FSIP1: variants seen among roughly 807,000 people sequenced by gnomAD.
FSIP1 encodes the protein fibrous sheath-interacting protein 1.
In FSIP1, 65 loss-of-function variants were observed where a neutral mutation model predicts 60.9. That is an observed-to-expected ratio of 1.07 (90% CI 0.87 to 1.31). The LOEUF is 1.31. Among genes scored for constraint, FSIP1 ranks in the 40% most tolerant of loss-of-function variants. The pLI, the probability that FSIP1 is intolerant of heterozygous loss-of-function variation, is 0.00. For synonymous variants in FSIP1, 209 were observed against 221.2 expected, an observed-to-expected ratio of 0.94 and a Z score of 0.49; for missense variants, 675 against 665.5, an observed-to-expected ratio of 1.01 and a Z score of -0.16.
Position 39,634,344 on chromosome 15 carries a change from T to C in FSIP1, c.1189-16099A>G, listed in dbSNP as rs191796005. On this transcript the variant is annotated intron_variant, in intron 10 of 11. Coordinates refer to ENST00000350221, the MANE Select transcript of FSIP1 (RefSeq NM_152597.5). The stretch of plus-strand genomic sequence containing the variant: ...TATCACCAAATCCCTCTCCTTCTAT[T>C]GTCTCTTAAACTCAACCCAAACAGG... 2.0e-5 allele frequency among the ~76,000 whole-genome samples: 3 copies of C among 152,326 alleles called. No homozygotes were observed. In the East Asian group the frequency reaches 5.8e-4, roughly 29 times the overall value.
intron 5 of FSIP1, among the ~76,000 whole-genome samples, chr15:39,756,248 T>C (rs1170465588): frequency 2.6e-5 from 4 of 152,150 alleles, no homozygotes; most frequent in African/African-American, 4.8e-5. Flanking sequence ...ATTTTCTTCA[T>C]TTATTTGCTG....
At chr15:39,626,755 G>A (rs140888839) in intron 10 of FSIP1, among the ~76,000 whole-genome samples, 11 of 152,194 alleles carry the variant, frequency 7.2e-5, no homozygotes, top group South Asian at 4.2e-4. Context: ...CCAGCCATTC[G>A]GAACTGGGAG....
intron 2 of FSIP1, among the ~76,000 whole-genome samples, chr15:39,774,884 G>C (rs892906280): frequency 1.2e-4 from 18 of 152,214 alleles, no homozygotes; most frequent in Non-Finnish European, 1.5e-5. Context: ...CTGATCTCTG[G>C]ATTACAGCTC....
chr15:39,688,035 A>C (rs1450645668), intron 10 of FSIP1, among the ~76,000 whole-genome samples: 3 of 152,204 alleles, frequency 2.0e-5, no homozygotes, highest in Admixed American at 1.3e-4. Context: ...CCAAGCATCC[A>C]TGGAACTATA....
intron 10 of FSIP1, among the ~76,000 whole-genome samples, chr15:39,676,649 A>C (rs1893955161): frequency 6.6e-6 from 1 of 152,218 alleles, no homozygotes; most frequent in Non-Finnish European, 1.5e-5. Flanking sequence ...GATAATAAAC[A>C]ACTGTCTTTA....
chr15:39,726,510 G>A, intron 9 of FSIP1, 79 bp downstream of exon 9: 1 of 1,470,830 alleles, frequency 6.8e-7, no homozygotes, highest in East Asian at 2.3e-5. Flanking sequence ...AAAAGCAACT[G>A]GTTAACAACC....
chr15:39,737,656 G>T (rs1420296022), intron 8 of FSIP1, among the ~76,000 whole-genome samples: 1 of 152,046 alleles, frequency 6.6e-6, no homozygotes, highest in Non-Finnish European at 1.5e-5. Context: ...GTATAAAACA[G>T]GATTTTTAAA....
chr15:39,644,233 T>C (rs1260694718), intron 10 of FSIP1, among the ~76,000 whole-genome samples: 1 of 152,160 alleles, frequency 6.6e-6, no homozygotes, highest in Non-Finnish European at 1.5e-5. Flanking sequence ...CCTGCGACTG[T>C]CCCGAACACT....
At chr15:39,615,855 T>G (rs1891210698) in intron 11 of FSIP1, among the ~76,000 whole-genome samples, 1 of 152,102 alleles carries the variant, frequency 6.6e-6, no homozygotes, top group Non-Finnish European at 1.5e-5. Context: ...AGTTTTCACT[T>G]AGGAAGAATA....
At position 39,600,903 on chromosome 15, in the gene FSIP1, C is replaced by T; in HGVS notation, c.1723G>A (p.Ala575Thr). The T allele has an allele frequency of 6.2e-7, 1 of 1,610,884 alleles. No homozygotes were observed. Among genetic ancestry groups the T allele is most frequent in the South Asian group, 1.1e-5 (1 of 90,236 alleles). Residue 575 changes from alanine to threonine, a missense_variant, in exon 12 of 12, where the codon GCA (alanine) becomes ACA (threonine). Physicochemically the swap from Ala to Thr is moderately conservative, Grantham distance 58. Transcript: ENST00000350221. ...IADEQETKDA[A>T]EECKEP ...GATTAGGGTTCTTTACATTCTTCTGCTGCATCTTTAGTCTCCTGCTCATCT... is the reference window on the plus strand; with the variant it reads ...GATTAGGGTTCTTTACATTCTTCTGTTGCATCTTTAGTCTCCTGCTCATCT...
At position 39,693,116 on chromosome 15, in the gene FSIP1, T is replaced by A. The variant is rs1343673478; in HGVS notation, c.1188+20328A>T. ...AGTGCTGACTAAGAAATTTCTTTTA[T>A]CTCCTTTTGAAGCCATAAAGTGCAT... is the stretch of plus-strand genomic sequence containing the variant. On this transcript the variant is annotated intron_variant, in intron 10 of 11. Transcript: ENST00000350221. Among the ~76,000 whole-genome samples, 6 of 152,234 alleles carry A rather than the reference T, an allele frequency of 3.9e-5. No individual in the cohort carries two copies. In the East Asian group the frequency reaches 1.2e-3, roughly 29 times the overall value.
intron 5 of FSIP1, among the ~76,000 whole-genome samples, chr15:39,763,212 C>T (rs193225270): frequency 1.4e-3 from 217 of 152,200 alleles, no homozygotes; most frequent in South Asian, 2.7e-3. Flanking sequence ...ATAGGCCAGA[C>T]TAGTATTTTT....
intron 10 of FSIP1, among the ~76,000 whole-genome samples, chr15:39,643,766 T>G (rs1423806762): frequency 6.6e-6 from 1 of 152,240 alleles, no homozygotes. Context: ...GCCTGCAAGT[T>G]GCTACATCCA....
At chr15:39,648,212 CA>C (rs35577831) in intron 10 of FSIP1, among the ~76,000 whole-genome samples, 26,666 of 117,428 alleles carry the variant, frequency 0.23, 2,328 homozygotes, top group East Asian at 0.36. Flanking sequence ...AAATTGCTAC[CA>C]AAAAAAAAAA....
At chr15:39,670,430 C>G (rs1347313563) in intron 10 of FSIP1, among the ~76,000 whole-genome samples, 3 of 152,116 alleles carry the variant, frequency 2.0e-5, no homozygotes, top group Non-Finnish European at 2.9e-5. Flanking sequence ...TGAAAAGAAC[C>G]ATATATTAGA....
Position 39,767,907 on chromosome 15 carries a change from G to C in FSIP1, c.311-2161C>G, listed in dbSNP as rs73397106. ...GTGATTCGATTCTTCTGGTATACCA[G>C]GGCAAGAACCCAGGATACAGAAAGC... is the stretch of plus-strand genomic sequence containing the variant. On this transcript the variant is annotated intron_variant, in intron 3 of 11. Transcript: ENST00000350221. Among the ~76,000 whole-genome samples the C allele has an allele frequency of 7.9e-3, 1,199 of 152,270 alleles. 14 individuals carry two copies. Among genetic ancestry groups the C allele is most frequent in the African/African-American group, 0.027 (1,131 of 41,540 alleles).
At chr15:39,727,953 T>C (rs1275184392) in intron 8 of FSIP1, among the ~76,000 whole-genome samples, 1 of 152,130 alleles carries the variant, frequency 6.6e-6, no homozygotes, top group Non-Finnish European at 1.5e-5. Flanking sequence ...GGATGTAAAA[T>C]CAATGTACAA....
intron 10 of FSIP1, among the ~76,000 whole-genome samples, chr15:39,711,405 C>T (rs1205021318): frequency 6.6e-6 from 1 of 152,144 alleles, no homozygotes; most frequent in African/African-American, 2.4e-5. Context: ...CTCCTAATCC[C>T]ATCACCTTGG....
At position 39,626,225 on chromosome 15, in the gene FSIP1, TC is replaced by T. The variant is rs1160041665; in HGVS notation, c.1189-7981del. On this transcript the variant is annotated intron_variant, in intron 10 of 11. Transcript: ENST00000350221. ...AGAACTTTAAATACTTTGCTTGATATCATCTAAACTTCACAATTGAAGAGAA... is the reference window on the plus strand; with the variant it reads ...AGAACTTTAAATACTTTGCTTGATATATCTAAACTTCACAATTGAAGAGAA... Among the ~76,000 whole-genome samples, 9 of 152,348 alleles carry T rather than the reference TC, an allele frequency of 5.9e-5. No individual in the cohort carries two copies. The South Asian group carries it at 1.9e-3, about 32-fold the overall frequency.
Sources: gnomAD v4.1 joint callset for allele counts (sites outside exome capture counted in the v4.1 genomes callset) on GRCh38, gnomAD v4.1.1 for gene constraint, MANE v1.5 for transcripts, NCBI Gene and HGNC (gene_info 2026-07-23, HGNC 2026-07-21) for gene names.